The following CLEC16A variants were observed in gnomAD, a reference collection of about 807,000 sequenced individuals.
CLEC16A encodes the protein protein CLEC16A.
CLEC16A carries 51 observed loss-of-function variants against 109.5 expected under a neutral mutation model. The ratio of observed to expected loss-of-function variants is 0.47; its 90% CI spans 0.37 to 0.59. CLEC16A has a LOEUF of 0.59. CLEC16A is among the 20% of genes least tolerant of loss of function. The pLI is 0.00. For synonymous variants in CLEC16A, 673 were observed against 564.2 expected (o/e 1.19, Z -2.73); for missense variants, 1,339 against 1,394.0 (o/e 0.96, Z 0.63).
intron 13 of CLEC16A, among the ~76,000 whole-genome samples, chr16:11,030,224 T>A (rs2046658912): frequency 6.6e-6 from 1 of 152,106 alleles, no homozygotes. Flanking sequence ...ATACAGAGAG[T>A]TGTATGAGCA....
chr16:10,956,042 T>C (rs2041968761), intron 1 of CLEC16A, among the ~76,000 whole-genome samples: 1 of 152,172 alleles, frequency 6.6e-6, no homozygotes, highest in Admixed American at 6.5e-5. Flanking sequence ...GATTTGGGAG[T>C]GGGTCCTCCA....
chr16:10,971,688 G>T (rs188637917), intron 5 of CLEC16A: 138 of 213,574 alleles, frequency 6.5e-4, no homozygotes, highest in African/African-American at 3.1e-3. Context: ...GCAAAGCCCA[G>T]CACTAACAAT....
intron 11 of CLEC16A, among the ~76,000 whole-genome samples, chr16:11,013,074 A>T (rs1195512292): frequency 1.3e-5 from 2 of 152,158 alleles, no homozygotes; most frequent in Non-Finnish European, 2.9e-5. Flanking sequence ...TAACATGTAC[A>T]TCTCTGGGAT....
Position 11,052,061 on chromosome 16 carries a change from C to T in CLEC16A, c.1995+420C>T, listed in dbSNP as rs142780717. Among the ~76,000 whole-genome samples the T allele has an allele frequency of 1.2e-4, 19 of 152,298 alleles. 1 individual carries two copies. The highest frequency in any genetic ancestry group is 2.2e-4 in the Non-Finnish European group (15 of 68,030). The stretch of plus-strand genomic sequence containing the variant: ...TGCGATGTTAAGGCATCTACCTGCT[C>T]TTGGGACACAGTCAAATTAAATGTG... On this transcript the variant is annotated intron_variant, in intron 18 of 23. Coordinates refer to ENST00000409790, the MANE Select transcript of CLEC16A (RefSeq NM_015226.3).
At chr16:10,946,245 C>T (rs1052483048) in intron 1 of CLEC16A, among the ~76,000 whole-genome samples, 2 of 152,150 alleles carry the variant, frequency 1.3e-5, no homozygotes, top group South Asian at 2.1e-4. Context: ...GGAAGGGAGA[C>T]GGGGCTGTGG....
chr16:11,012,834 C>A (rs756534685), intron 11 of CLEC16A, among the ~76,000 whole-genome samples: 10 of 152,176 alleles, frequency 6.6e-5, no homozygotes, highest in Non-Finnish European at 1.2e-4. Context: ...CATTTATTGT[C>A]ATGCATTTGT....
Position 11,058,695 on chromosome 16 carries a change from G to A in CLEC16A, c.1996-2207G>A, listed in dbSNP as rs1318615015. Among the ~76,000 whole-genome samples, 3 of 152,250 alleles carry A rather than the reference G, an allele frequency of 2.0e-5. No individual in the cohort carries two copies. The East Asian group carries it at 5.8e-4, about 29-fold the overall frequency. On this transcript the variant is annotated intron_variant, in intron 18 of 23. Coordinates refer to ENST00000409790, the MANE Select transcript of CLEC16A (RefSeq NM_015226.3). ...AAAAGCAGATATTGGCCTATATTGG[G>A]AGCCAAATTCTGAACTTTTAAAGTA...
intron 19 of CLEC16A, among the ~76,000 whole-genome samples, chr16:11,086,688 G>A (rs1362392885): frequency 1.3e-5 from 2 of 152,086 alleles, no homozygotes; most frequent in African/African-American, 2.4e-5. Context: ...GAATACAGGC[G>A]CCTGCCACCA....
chr16:11,058,805 G>A (rs1189069779), intron 18 of CLEC16A, among the ~76,000 whole-genome samples: 1 of 152,158 alleles, frequency 6.6e-6, no homozygotes, highest in Non-Finnish European at 1.5e-5. Context: ...CTCTGGTCCT[G>A]CATGAGTTAT....
chr16:11,013,168 T>G (rs559885423), intron 11 of CLEC16A, among the ~76,000 whole-genome samples: 1 of 152,224 alleles, frequency 6.6e-6, no homozygotes, highest in African/African-American at 2.4e-5. Context: ...TGGCCGGGAC[T>G]GGGAATCAGT....
At chr16:11,145,986 G>A (rs2054037923) in intron 22 of CLEC16A, among the ~76,000 whole-genome samples, 1 of 152,132 alleles carries the variant, frequency 6.6e-6, no homozygotes, top group Non-Finnish European at 1.5e-5. Context: ...CCACTTCAAG[G>A]CAACTTAAGG....
chr16:11,160,024 A>G (rs907977899), intron 22 of CLEC16A, among the ~76,000 whole-genome samples: 1 of 152,210 alleles, frequency 6.6e-6, no homozygotes, highest in Admixed American at 6.5e-5. Flanking sequence ...AATTGAATTC[A>G]GAGCCAACTG....
chr16:10,961,633 G>A lies in CLEC16A; in HGVS notation c.210-822G>A, dbSNP rs1349370546. Among the ~76,000 whole-genome samples the A allele has an allele frequency of 6.6e-6, 1 of 152,220 alleles. No individual in the cohort carries two copies. The highest frequency in any genetic ancestry group is 1.5e-5 in the Non-Finnish European group (1 of 68,024). On this transcript the variant is annotated intron_variant, in intron 2 of 23. Transcript: ENST00000409790. The surrounding 1 kb of genome is among the most constrained non-coding windows in gnomAD (Gnocchi z 4.3). The stretch of plus-strand genomic sequence containing the variant: ...CAGACAAGTATCCTATCCACAAGGA[G>A]AAAGGCAGAAACAGACCTGGGGATG...
Position 11,166,385 on chromosome 16 carries a change from C to A in CLEC16A, c.2642-3C>A. ...CTTGGTCACCTGGTACTTTGTCTTG[C>A]AGGCTTCGCCGTGGCCCAGTGCATA... is the stretch of plus-strand genomic sequence containing the variant. On this transcript the variant is annotated splice_polypyrimidine_tract_variant and splice_region_variant and intron_variant, in intron 22 of 23. Transcript: ENST00000409790. 6.3e-7 allele frequency: 1 copy of A among 1,594,594 alleles called. No homozygotes were observed.
intron 22 of CLEC16A, among the ~76,000 whole-genome samples, chr16:11,142,383 G>A (rs189805830): frequency 5.9e-5 from 9 of 152,328 alleles, no homozygotes; most frequent in East Asian, 1.9e-4. Context: ...CTGTCAGAGC[G>A]CTGTGATCAA....
intron 11 of CLEC16A, among the ~76,000 whole-genome samples, chr16:11,016,095 TATG>T (rs1462632880): frequency 3.3e-5 from 5 of 152,200 alleles, no homozygotes; most frequent in African/African-American, 9.6e-5. Flanking sequence ...TTATATATAA[TATG>T]ATCATGCTAG....
intron 10 of CLEC16A, among the ~76,000 whole-genome samples, chr16:11,002,627 C>A (rs1567180434): frequency 6.6e-6 from 1 of 152,076 alleles, no homozygotes; most frequent in African/African-American, 2.4e-5. Context: ...CCACCAAACA[C>A]CCTCCCATCA....
intron 19 of CLEC16A, among the ~76,000 whole-genome samples, chr16:11,120,407 C>T (rs528054771): frequency 5.3e-4 from 81 of 152,284 alleles, no homozygotes; most frequent in African/African-American, 1.9e-3. Context: ...CTTTATTATC[C>T]AGATGAGGGA....
chr16:10,962,651 G>A lies in CLEC16A; in HGVS notation c.343+63G>A, dbSNP rs542879974. 8.2e-5 allele frequency: 129 copies of A among 1,566,132 alleles called. 2 individuals are homozygous for A. Among genetic ancestry groups the A allele is most frequent in the Middle Eastern group, 1.8e-4 (1 of 5,544 alleles). ...TGCATGTAGCAGGGTGAAGTTGGGC[G>A]TGGTTTTCTGTGTCTGCGCTTACTA... On this transcript the variant is annotated intron_variant, in intron 3 of 23. Coordinates refer to ENST00000409790, the MANE Select transcript of CLEC16A (RefSeq NM_015226.3).
Sources: allele counts gnomAD v4.1 joint callset (sites outside exome capture counted in the v4.1 genomes callset), GRCh38; gene constraint gnomAD v4.1.1; non-coding constraint Gnocchi (gnomAD v3.1); transcripts MANE v1.5; gene names NCBI Gene and HGNC (gene_info 2026-07-23, HGNC 2026-07-21).